The following RPP30 variants were observed in gnomAD, a reference collection of about 807,000 sequenced individuals.
RPP30 encodes the protein ribonuclease P protein subunit p30.
A neutral mutation model predicts 38.6 loss-of-function variants in RPP30; 36 were observed. The observed-to-expected ratio is 0.93, with a 90% CI of 0.71 to 1.23. The LOEUF (loss-of-function observed/expected upper bound fraction) is 1.23, where lower values mean the gene tolerates loss of function less well. Among genes scored for constraint, RPP30 ranks in the 50% most tolerant of loss-of-function variants. RPP30 has a pLI of 0.00. For missense variants in RPP30, 321 were observed against 321.7 expected (o/e 1.00, Z 0.02); for synonymous variants, 126 against 112.7 (o/e 1.12, Z -0.75).
chr10:90,905,399 C>T (rs1294687363), downstream of RPP30: 2 of 152,244 alleles, frequency 1.3e-5, no homozygotes, highest in East Asian at 3.9e-4. Context: ...TGATGCAGGA[C>T]ATTACAGCCT....
chr10:90,903,191 G>T, downstream of RPP30: 2 of 1,563,156 alleles, frequency 1.3e-6, no homozygotes, highest in Non-Finnish European at 8.8e-7. Context: ...CTGCTTTAAA[G>T]GAACTAGAAT....
rs931325071 is a variant in RPP30, at chr10:90,872,048, T to C, written c.62T>C (p.Leu21Pro). The C allele has an allele frequency of 2.5e-6, 4 of 1,614,004 alleles. No homozygotes were observed. Among genetic ancestry groups the C allele is most frequent in the Non-Finnish European group, 3.4e-6 (4 of 1,180,008 alleles). The part of the protein sequence containing the change: ...AGSDLKALRG[L>P]VETAAHLGYS... ...TCTGACCTGAAGGCTCTGCGCGGAC[T>C]TGTGGAGACAGCCGCTCACCGTGAG... The change falls in exon 1 of 11, where the codon CTT (leucine) becomes CCT (proline). Residue 21 changes from leucine (L) to proline (P), a missense_variant. Physicochemically the swap from Leu to Pro is moderately conservative, Grantham distance 98 (BLOSUM62 -3). Coordinates refer to ENST00000371703, the MANE Select transcript of RPP30 (RefSeq NM_006413.5).
chr10:90,887,378 T>C (rs1046240459), intron 6 of RPP30, among the ~76,000 whole-genome samples: 31 of 151,942 alleles, frequency 2.0e-4, no homozygotes, highest in African/African-American at 7.2e-4. Context: ...AAAGCTCTTG[T>C]TGGGTAAATT....
At chr10:90,895,226 A>C in intron 7 of RPP30, 1 of 495,868 alleles carries the variant, frequency 2.0e-6, no homozygotes, top group Non-Finnish European at 3.5e-6. Context: ...AACTTAATTC[A>C]CCTTTACTAA....
Position 90,896,319 on chromosome 10 carries a change from G to A in RPP30, c.624G>A (p.Leu208=). The A allele has an allele frequency of 1.9e-6, 3 of 1,614,022 alleles. No individual in the cohort carries two copies. Among genetic ancestry groups the A allele is most frequent in the African/African-American group, 1.3e-5 (1 of 75,036 alleles). ...RGPYDVANLG[L]LFGLSESDAK... ...TCTTTAATGCTCCCCCAAGAGGCTT[G>A]CTGTTTGGGCTCTCTGAAAGTGACG... The change falls in exon 10 of 11, where the codon TTG becomes TTA. Residue 208 remains leucine, a synonymous_variant. Coordinates refer to ENST00000371703, the MANE Select transcript of RPP30 (RefSeq NM_006413.5).
chr10:90,882,086 G>C (rs1466742818), intron 5 of RPP30, among the ~76,000 whole-genome samples: 2 of 152,090 alleles, frequency 1.3e-5, no homozygotes, highest in African/African-American at 2.4e-5. Context: ...CTTGGGATGG[G>C]GGACAGCTGT....
chr10:90,904,691 A>G (rs1847235482), downstream of RPP30, among the ~76,000 whole-genome samples: 1 of 152,164 alleles, frequency 6.6e-6, no homozygotes, highest in Non-Finnish European at 1.5e-5. Context: ...CCATGACTGT[A>G]ATCCCTGCTA....
Position 90,900,924 on chromosome 10 carries a change from C to T in RPP30, c.*245C>T, listed in dbSNP as rs772455275. 6 of 1,204,728 alleles carry T rather than the reference C, an allele frequency of 5.0e-6. No individual in the cohort carries two copies. The highest frequency in any genetic ancestry group is 3.1e-5 in the South Asian group (1 of 31,982). 74.6% of individuals were successfully genotyped at this position (1,204,728 alleles called of 1,614,324 possible). On this transcript the variant is annotated 3_prime_UTR_variant, in exon 11 of 11. Transcript: ENST00000371703. ...AAGAGAGAAAGACTGGTTATTTCTCCTTTGTGTAAGTGATAAACAACAGCA... is the reference window on the plus strand; with the variant it reads ...AAGAGAGAAAGACTGGTTATTTCTCTTTTGTGTAAGTGATAAACAACAGCA...
intron 7 of RPP30, 70 bp downstream of exon 7, chr10:90,894,961 C>A: frequency 9.7e-7 from 1 of 1,025,858 alleles, no homozygotes; most frequent in South Asian, 1.3e-5. Flanking sequence ...CTGGAATTGT[C>A]AAACTGACTC....
At position 90,901,275 on chromosome 10, in the gene RPP30, A is replaced by G. The variant is rs1049285194; in HGVS notation, c.*596A>G. On this transcript the variant is annotated 3_prime_UTR_variant, in exon 11 of 11. Transcript: ENST00000371703. ...GTGCTGGGATTACATGAGCCACCAC[A>G]TGCAGCCAGATGTTTGAATATTTTA... The G allele has an allele frequency of 3.3e-5, 32 of 984,434 alleles. No homozygotes were observed. Among genetic ancestry groups the G allele is most frequent in the Non-Finnish European group, 3.9e-5 (32 of 829,472 alleles). The allele number at this position is 984,434 out of a possible 1,614,324, so 61.0% of individuals were successfully genotyped here.
At chr10:90,895,758 A>G in intron 8 of RPP30, 122 bp from the exon 9 acceptor site, 1 of 711,912 alleles carries the variant, frequency 1.4e-6, no homozygotes, top group Non-Finnish European at 2.2e-6. Flanking sequence ...CAAAATTATA[A>G]GGACTTAAAT....
chr10:90,886,555 A>G (rs1847002065), intron 6 of RPP30, among the ~76,000 whole-genome samples: 1 of 152,020 alleles, frequency 6.6e-6, no homozygotes, highest in African/African-American at 2.4e-5. Flanking sequence ...CATTTCCATC[A>G]TAAGGTAATA....
downstream of RPP30, among the ~76,000 whole-genome samples, chr10:90,906,780 A>T (rs1276311489): frequency 6.6e-6 from 1 of 152,154 alleles, no homozygotes; most frequent in East Asian, 1.9e-4. Context: ...AAAGAGAAGG[A>T]TGAGGGAAAG....
intron 6 of RPP30, among the ~76,000 whole-genome samples, chr10:90,893,843 C>G (rs1335837562): frequency 6.6e-6 from 1 of 152,206 alleles, no homozygotes; most frequent in East Asian, 1.9e-4. Context: ...AGGGAGAAAC[C>G]ATCTCAGCTT....
chr10:90,899,128 T>G (rs1847174701), intron 10 of RPP30, among the ~76,000 whole-genome samples: 1 of 152,218 alleles, frequency 6.6e-6, no homozygotes. Context: ...ATTTTCATAA[T>G]GTTTATATTT....
intron 4 of RPP30, 25 bp from the exon 5 acceptor site, chr10:90,879,038 G>A: frequency 6.3e-7 from 1 of 1,592,168 alleles, no homozygotes; most frequent in East Asian, 2.2e-5. Context: ...GTTATTGTAT[G>A]ATAACATTCT....
At chr10:90,890,485 T>C (rs2120214291) in intron 6 of RPP30, among the ~76,000 whole-genome samples, 1 of 152,318 alleles carries the variant, frequency 6.6e-6, no homozygotes, top group East Asian at 1.9e-4. Flanking sequence ...GTCTTCGTGG[T>C]CCGATTACTC....
At chr10:90,907,865 C>T (rs765330400), downstream of RPP30, among the ~76,000 whole-genome samples, 8 of 152,178 alleles carry the variant, frequency 5.3e-5, no homozygotes, top group Non-Finnish European at 7.4e-5. Context: ...CCTCACTTAA[C>T]GACAGGGATA....
At chr10:90,890,320 T>G (rs1195484803) in intron 6 of RPP30, among the ~76,000 whole-genome samples, 3 of 152,236 alleles carry the variant, frequency 2.0e-5, no homozygotes, top group African/African-American at 7.2e-5. Context: ...CTCTTTACTT[T>G]CCCTTTGATT....
Sources: allele counts gnomAD v4.1 joint callset (sites outside exome capture counted in the v4.1 genomes callset), GRCh38; gene constraint gnomAD v4.1.1; transcripts MANE v1.5; gene names NCBI Gene and HGNC (gene_info 2026-07-23, HGNC 2026-07-21).